TRABD2B: variants seen among roughly 807,000 people sequenced by gnomAD.
TRABD2B encodes metalloprotease TIKI2.
In TRABD2B, 14 loss-of-function variants were observed where a neutral mutation model predicts 40.1. The observed-to-expected ratio is 0.35, with a 90% CI of 0.23 to 0.55. TRABD2B has a LOEUF of 0.55. TRABD2B is among the 20% of genes least tolerant of loss of function. The pLI, the probability that TRABD2B is intolerant of heterozygous loss-of-function variation, is 0.90. For synonymous variants in TRABD2B, 263 were observed against 277.0 expected, an observed-to-expected ratio of 0.95 and a Z score of 0.50; for missense variants, 541 against 648.6, an observed-to-expected ratio of 0.83 and a Z score of 1.80.
chr1:47,926,609 A>C (rs1457851470), intron 2 of TRABD2B, among the ~76,000 whole-genome samples: 1 of 152,058 alleles, frequency 6.6e-6, no homozygotes, highest in African/African-American at 2.4e-5. Context: ...GTGGGATAAG[A>C]TCTGGCGGCA....
At chr1:47,820,479 G>T (rs1473218436) in intron 2 of TRABD2B, among the ~76,000 whole-genome samples, 1 of 152,184 alleles carries the variant, frequency 6.6e-6, no homozygotes, top group African/African-American at 2.4e-5. Context: ...ATATGCCTGG[G>T]CCTGGCCTAC....
rs1557610250 is a variant in TRABD2B at position 47,846,897 on chromosome 1, A to ACAC, written c.667-45279_667-45278insGTG. ...ACACACACACACACACACACACACA[A>ACAC]ATGAGGGCTGGGTGCCCTCTGACCC... On this transcript the variant is annotated intron_variant, in intron 2 of 6. Transcript: ENST00000606738. Among the ~76,000 whole-genome samples the ACAC allele has an allele frequency of 4.6e-3, 318 of 69,426 alleles. 2 individuals are homozygous for ACAC. The highest frequency in any genetic ancestry group is 0.016 in the African/African-American group (312 of 19,822). The allele number at this position is 69,426 out of a possible 152,430, so 45.5% of individuals were successfully genotyped here.
At chr1:47,775,724 C>T (rs1475610905) in intron 5 of TRABD2B, among the ~76,000 whole-genome samples, 1 of 152,202 alleles carries the variant, frequency 6.6e-6, no homozygotes, top group Non-Finnish European at 1.5e-5. Context: ...ACAGACAATG[C>T]CTCTGATCTC....
At chr1:47,822,605 T>C (rs1441282018) in intron 2 of TRABD2B, among the ~76,000 whole-genome samples, 1 of 152,210 alleles carries the variant, frequency 6.6e-6, no homozygotes, top group Non-Finnish European at 1.5e-5. Context: ...TCTTGCAGGG[T>C]TGCTGTGAAA....
At chr1:47,877,287 G>T (rs1395930778) in intron 2 of TRABD2B, among the ~76,000 whole-genome samples, 5 of 152,010 alleles carry the variant, frequency 3.3e-5, no homozygotes, top group South Asian at 2.1e-4. Flanking sequence ...TGTGTTAAAG[G>T]AGCTCACAGG....
intron 2 of TRABD2B, among the ~76,000 whole-genome samples, chr1:47,880,602 C>T (rs573926846): frequency 4.1e-4 from 63 of 152,152 alleles, no homozygotes; most frequent in African/African-American, 1.4e-3. Context: ...GGGAACTGTC[C>T]GGGGAGGTGT....
chr1:47,977,085 T>G lies in TRABD2B; in HGVS notation c.666+16949A>C, dbSNP rs867717732. ...GTTTAGTCCTTTTTTTTTTTTTTTTTCCCGCGAGACAGAGTCTTGCTCTGT... is the reference window on the plus strand; with the variant it reads ...GTTTAGTCCTTTTTTTTTTTTTTTTGCCCGCGAGACAGAGTCTTGCTCTGT... On this transcript the variant is annotated intron_variant, in intron 2 of 6. Transcript: ENST00000606738. Among the ~76,000 whole-genome samples the G allele has an allele frequency of 4.0e-5, 6 of 149,768 alleles. No individual in the cohort carries two copies. The South Asian group carries it at 1.3e-3, about 31-fold the overall frequency.
chr1:47,971,494 C>A (rs1176442072), intron 2 of TRABD2B, among the ~76,000 whole-genome samples: 1 of 152,160 alleles, frequency 6.6e-6, no homozygotes, highest in African/African-American at 2.4e-5. Context: ...CAGGTAAAGG[C>A]CCAACCAATC....
intron 2 of TRABD2B, among the ~76,000 whole-genome samples, chr1:47,831,416 G>C (rs896311188): frequency 8.5e-5 from 13 of 152,138 alleles, no homozygotes; most frequent in African/African-American, 2.9e-4. Flanking sequence ...TTGCTGCTGC[G>C]GGCGCAGTGT....
Position 47,824,952 on chromosome 1 carries a change from C to T in TRABD2B, c.667-23333G>A, listed in dbSNP as rs371248243. Among the ~76,000 whole-genome samples the T allele has an allele frequency of 1.6e-4, 25 of 152,328 alleles. No homozygotes were observed. In the East Asian group the frequency reaches 3.5e-3, roughly 21 times the overall value. Reference sequence around the variant, plus strand: ...GGAGGCCAACTTGGCCAGCACAGCCCTGGCTTTGCACTGTCTTCTTCATGG... The same window carrying T: ...GGAGGCCAACTTGGCCAGCACAGCCTTGGCTTTGCACTGTCTTCTTCATGG... On this transcript the variant is annotated intron_variant, in intron 2 of 6. Coordinates refer to ENST00000606738, the MANE Select transcript of TRABD2B (RefSeq NM_001194986.2).
At chr1:47,943,065 G>A (rs1184781588) in intron 2 of TRABD2B, among the ~76,000 whole-genome samples, 4 of 152,188 alleles carry the variant, frequency 2.6e-5, no homozygotes, top group African/African-American at 7.2e-5. Flanking sequence ...TGGTTATTCT[G>A]AGCCTTTAGA....
intron 6 of TRABD2B, among the ~76,000 whole-genome samples, chr1:47,773,016 G>T (rs991564992): frequency 6.6e-6 from 1 of 152,256 alleles, no homozygotes; most frequent in Non-Finnish European, 1.5e-5. Flanking sequence ...TATGTGTTGT[G>T]AGAAGGAAGC....
chr1:47,945,937 A>C (rs1433056808), intron 2 of TRABD2B, among the ~76,000 whole-genome samples: 1 of 152,218 alleles, frequency 6.6e-6, no homozygotes, highest in East Asian at 1.9e-4. Flanking sequence ...GGATGTGGTA[A>C]GTGTATGTTT....
intron 4 of TRABD2B, among the ~76,000 whole-genome samples, chr1:47,791,399 C>G (rs1270991237): frequency 4.6e-5 from 7 of 152,316 alleles, no homozygotes; most frequent in African/African-American, 1.7e-4. Context: ...CTTAGAGATA[C>G]CCATGGACTC....
chr1:47,984,247 C>A (rs375771312), intron 2 of TRABD2B, among the ~76,000 whole-genome samples: 1 of 152,266 alleles, frequency 6.6e-6, no homozygotes, highest in Non-Finnish European at 1.5e-5. Context: ...CCTCCTCCAC[C>A]GCAGGAACGC....
chr1:47,798,135 G>A (rs1465135940), intron 3 of TRABD2B, among the ~76,000 whole-genome samples: 1 of 152,162 alleles, frequency 6.6e-6, no homozygotes, highest in Non-Finnish European at 1.5e-5. Context: ...AGACTGATGG[G>A]GGAGTCACAT....
chr1:47,786,661 C>T (rs529592778), intron 4 of TRABD2B, among the ~76,000 whole-genome samples: 8 of 152,296 alleles, frequency 5.3e-5, no homozygotes, highest in African/African-American at 1.9e-4. Flanking sequence ...CAGACCAGGG[C>T]GCTTGCCAGT....
At chr1:47,776,931 G>A (rs556667683) in intron 5 of TRABD2B, among the ~76,000 whole-genome samples, 1 of 152,340 alleles carries the variant, frequency 6.6e-6, no homozygotes, top group East Asian at 1.9e-4. Flanking sequence ...GCTAGATCCA[G>A]GAAGCACCTG....
chr1:47,801,362 G>A lies in TRABD2B; in HGVS notation c.813+111C>T. 4 of 1,166,002 alleles carry A rather than the reference G, an allele frequency of 3.4e-6. No individual in the cohort carries two copies. The South Asian group carries it at 4.7e-5, about 14-fold the overall frequency. The allele number at this position is 1,166,002 out of a possible 1,614,324, so 72.2% of individuals were successfully genotyped here. ...CTCAATTTCCCCACCTATAAAAGGG[G>A]AATAACGATAGCTCCTTCTTGCCAT... On this transcript the variant is annotated intron_variant, in intron 3 of 6. Transcript: ENST00000606738.
Sources: gnomAD v4.1 joint callset for allele counts (sites outside exome capture counted in the v4.1 genomes callset) on GRCh38, gnomAD v4.1.1 for gene constraint, MANE v1.5 for transcripts, NCBI Gene and HGNC (gene_info 2026-07-23, HGNC 2026-07-21) for gene names.